The following TYR variants were observed in gnomAD, a reference collection of about 807,000 sequenced individuals.
TYR encodes the protein tyrosinase.
A neutral mutation model predicts 51.5 loss-of-function variants in TYR; 58 were observed. The ratio of observed to expected loss-of-function variants is 1.13; its 90% CI spans 0.91 to 1.40. The LOEUF (loss-of-function observed/expected upper bound fraction) is 1.40. Ranked by LOEUF, TYR falls within the 40% of genes most tolerant of loss-of-function variation. The pLI is 0.00. For missense variants in TYR, 732 were observed against 647.4 expected (o/e 1.13, Z -1.42); for synonymous variants, 263 against 235.2 (o/e 1.12, Z -1.08).
chr11:89,286,629 C>G (rs1243580159), intron 4 of TYR, among the ~76,000 whole-genome samples: 2 of 151,752 alleles, frequency 1.3e-5, no homozygotes, highest in African/African-American at 4.8e-5. Flanking sequence ...TTGTTCTGCC[C>G]TTTGAGGGAT....
chr11:89,270,913 C>T (rs16913082), intron 3 of TYR, among the ~76,000 whole-genome samples: 46 of 151,818 alleles, frequency 3.0e-4, no homozygotes, highest in East Asian at 1.9e-3. Flanking sequence ...TCATTGCTTT[C>T]GGCGAATTTC....
At chr11:89,289,299 T>G (rs988293464) in intron 4 of TYR, among the ~76,000 whole-genome samples, 1 of 152,040 alleles carries the variant, frequency 6.6e-6, no homozygotes, top group Admixed American at 6.6e-5. Flanking sequence ...CCAATGGAAT[T>G]TGATGACACT....
chr11:89,292,850 C>T (rs1403807995), intron 4 of TYR, among the ~76,000 whole-genome samples: 1 of 152,124 alleles, frequency 6.6e-6, no homozygotes, highest in Non-Finnish European at 1.5e-5. Context: ...GTTCCTAAAG[C>T]CAAGTCTTAG....
At chr11:89,287,502 T>C (rs1198763988) in intron 4 of TYR, among the ~76,000 whole-genome samples, 3 of 151,860 alleles carry the variant, frequency 2.0e-5, no homozygotes, top group Non-Finnish European at 2.9e-5. Flanking sequence ...ATAGTCTCTA[T>C]CTTCACAAAG....
intron 2 of TYR, among the ~76,000 whole-genome samples, chr11:89,222,129 TG>T (rs1466160109): frequency 1.3e-5 from 2 of 152,210 alleles, no homozygotes; most frequent in Non-Finnish European, 2.9e-5. Flanking sequence ...GAAGGATTTT[TG>T]GACTGTCAGA....
chr11:89,178,588 G>A lies in TYR; in HGVS notation c.635G>A (p.Arg212Lys), dbSNP rs377209424. The change falls in exon 1 of 5, where the codon AGA (arginine) becomes AAA (lysine). Residue 212 changes from arginine to lysine, a missense_variant. Physicochemically the swap from Arg to Lys is conservative, Grantham distance 26. Transcript: ENST00000263321. ...GCACCAGCTTTTCTGCCTTGGCATA[G>A]ACTCTTCTTGTTGCGGTGGGAACAA... ...HEAPAFLPWH[R>K]LFLLRWEQEI... 5.6e-6 allele frequency: 9 copies of A among 1,613,406 alleles called. No individual in the cohort carries two copies. The highest frequency in any genetic ancestry group is 7.6e-6 in the Non-Finnish European group (9 of 1,179,692).
At chr11:89,287,380 G>A (rs963597013) in intron 4 of TYR, among the ~76,000 whole-genome samples, 1 of 150,824 alleles carries the variant, frequency 6.6e-6, no homozygotes, top group Non-Finnish European at 1.5e-5. Flanking sequence ...ATCACACCAG[G>A]TTTTTTTTTA....
intron 3 of TYR, among the ~76,000 whole-genome samples, chr11:89,265,040 A>G (rs891280832): frequency 1.3e-5 from 2 of 152,008 alleles, no homozygotes; most frequent in Non-Finnish European, 2.9e-5. Context: ...CCATTAGGTA[A>G]TCAGGCCTCT....
At chr11:89,220,714 A>G (rs1340615604) in intron 2 of TYR, among the ~76,000 whole-genome samples, 2 of 152,142 alleles carry the variant, frequency 1.3e-5, no homozygotes, top group Non-Finnish European at 2.9e-5. Flanking sequence ...AGATCACACC[A>G]CTGCACTCCA....
chr11:89,238,884 T>C (rs1035769313), intron 3 of TYR, among the ~76,000 whole-genome samples: 3 of 152,182 alleles, frequency 2.0e-5, no homozygotes, highest in Non-Finnish European at 4.4e-5. Context: ...CAAATATAAC[T>C]GTGAAATTTG....
At chr11:89,236,135 G>A (rs936558113) in intron 3 of TYR, among the ~76,000 whole-genome samples, 3 of 151,868 alleles carry the variant, frequency 2.0e-5, no homozygotes, top group Admixed American at 6.6e-5. Flanking sequence ...CCAAGACCAC[G>A]TTGTTTGCAA....
At chr11:89,250,444 A>G (rs1337516518) in intron 3 of TYR, among the ~76,000 whole-genome samples, 1 of 151,950 alleles carries the variant, frequency 6.6e-6, no homozygotes, top group African/African-American at 2.4e-5. Context: ...CATTATATCA[A>G]TTAGGAAGTA....
chr11:89,197,580 T>A (rs1456878916), intron 2 of TYR, among the ~76,000 whole-genome samples: 3 of 152,176 alleles, frequency 2.0e-5, no homozygotes, highest in African/African-American at 7.2e-5. Context: ...TTATCCTACC[T>A]ATACTTCAAA....
intron 4 of TYR, among the ~76,000 whole-genome samples, chr11:89,285,389 C>T (rs1290391564): frequency 3.3e-5 from 5 of 151,684 alleles, no homozygotes; most frequent in African/African-American, 4.8e-5. Context: ...GGGTAAACAT[C>T]CAGCAGTTTT....
In TYR at chr11:89,233,130, T is replaced by C. The variant is rs1344964071; in HGVS notation, c.1184+5160T>C. 2.1e-5 allele frequency among the ~76,000 whole-genome samples: 3 copies of C among 143,870 alleles called. 1 individual carries two copies. The highest frequency in any genetic ancestry group is 4.5e-5 in the Non-Finnish European group (3 of 66,764). The allele number at this position is 143,870 out of a possible 152,430, so 94.4% of individuals were successfully genotyped here. On this transcript the variant is annotated intron_variant, in intron 3 of 4. Transcript: ENST00000263321. The stretch of plus-strand genomic sequence containing the variant: ...GCTGCTGCTTTATCAACTAGGTTTA[T>C]CTGATATACTAAATACTTTGTTACA...
At chr11:89,280,069 A>G (rs1157118952) in intron 3 of TYR, among the ~76,000 whole-genome samples, 1 of 151,650 alleles carries the variant, frequency 6.6e-6, no homozygotes, top group East Asian at 1.9e-4. Context: ...GAGTGATTTC[A>G]GTTGACTACT....
intron 3 of TYR, among the ~76,000 whole-genome samples, chr11:89,283,456 C>A (rs1944742052): frequency 6.6e-6 from 1 of 151,828 alleles, no homozygotes; most frequent in South Asian, 2.1e-4. Context: ...CATGTACCAA[C>A]CTTTGACCTG....
chr11:89,190,643 T>C, intron 1 of TYR, among the ~76,000 whole-genome samples: 1 of 152,122 alleles, frequency 6.6e-6, no homozygotes, highest in East Asian at 1.9e-4. Flanking sequence ...GTAGCCGATA[T>C]ATATATAGTG....
chr11:89,216,677 A>T (rs1943837290), intron 2 of TYR, among the ~76,000 whole-genome samples: 1 of 147,842 alleles, frequency 6.8e-6, no homozygotes, highest in African/African-American at 2.6e-5. Flanking sequence ...AAATAGGTAA[A>T]CCCAAATAAT....
Sources: gnomAD v4.1 joint callset for allele counts (sites outside exome capture counted in the v4.1 genomes callset) on GRCh38, gnomAD v4.1.1 for gene constraint, MANE v1.5 for transcripts, NCBI Gene and HGNC (gene_info 2026-07-23, HGNC 2026-07-21) for gene names.